Variants in RHBDL3 observed in about 807,000 individuals in gnomAD.
RHBDL3 encodes rhomboid like 3, also known as rhomboid-related protein 3.
Under a neutral mutation model 48.2 loss-of-function variants are expected in RHBDL3, and 28 were observed. The observed-to-expected ratio is 0.58, with a 90% CI of 0.43 to 0.80. The LOEUF (loss-of-function observed/expected upper bound fraction) is 0.80, where lower values mean the gene tolerates loss of function less well. RHBDL3 is among the 30% of genes least tolerant of loss of function. RHBDL3 has a pLI of 0.00. For missense variants in RHBDL3, 464 were observed against 542.7 expected (o/e 0.85, Z 1.44); for synonymous variants, 208 against 232.3 (o/e 0.90, Z 0.95).
rs938085371 is a variant in RHBDL3, at chr17:32,316,408, G to A, written c.943+116G>A. ...GGTCAAGAAAAAAAAAGTGGGACAT[G>A]TCAATGGTTAGCAAAAAAGTAGGGA... On this transcript the variant is annotated intron_variant, in intron 8 of 8. Coordinates refer to ENST00000269051, the MANE Select transcript of RHBDL3 (RefSeq NM_138328.3). 14 of 721,878 alleles carry A rather than the reference G, an allele frequency of 1.9e-5. No individual in the cohort carries two copies. In the African/African-American group the frequency reaches 2.1e-4, roughly 11 times the overall value. The allele number at this position is 721,878 out of a possible 1,614,324, so 44.7% of individuals were successfully genotyped here. A position where few individuals can be genotyped will look rare whatever the true frequency, so the allele number is the denominator to read the frequency against.
chr17:32,274,492 G>A (rs2039848046), intron 2 of RHBDL3, among the ~76,000 whole-genome samples: 1 of 152,224 alleles, frequency 6.6e-6, no homozygotes, highest in South Asian at 2.1e-4. Context: ...AACATTGAAT[G>A]TCTAACTGCA....
intron 5 of RHBDL3, among the ~76,000 whole-genome samples, chr17:32,297,492 CAAAA>C (rs1333159880): frequency 2.0e-5 from 3 of 151,770 alleles, no homozygotes; most frequent in Non-Finnish European, 1.5e-5. Flanking sequence ...AACAAACAAA[CAAAA>C]AACAAAGAGA....
At chr17:32,316,816 C>G (rs1001152620) in intron 8 of RHBDL3, among the ~76,000 whole-genome samples, 1 of 150,604 alleles carries the variant, frequency 6.6e-6, no homozygotes, top group Admixed American at 6.6e-5. Context: ...CCACGCCTGG[C>G]CTTTTATTTT....
intron 2 of RHBDL3, among the ~76,000 whole-genome samples, chr17:32,279,329 C>T (rs533283719): frequency 2.0e-5 from 3 of 152,172 alleles, no homozygotes; most frequent in East Asian, 3.9e-4. Context: ...AAACTAGCTC[C>T]GAATGGAGCT....
chr17:32,298,422 G>A (rs951029170), intron 6 of RHBDL3, among the ~76,000 whole-genome samples: 18 of 152,254 alleles, frequency 1.2e-4, no homozygotes, highest in Admixed American at 3.9e-4. Context: ...CAGGACGGGG[G>A]AGGAGAGCAC....
chr17:32,313,718 A>G (rs980085960), intron 7 of RHBDL3, among the ~76,000 whole-genome samples: 24 of 120,164 alleles, frequency 2.0e-4, no homozygotes, highest in African/African-American at 6.5e-4. Context: ...CTCCAGGTTT[A>G]TTCATGCTGT....
intron 2 of RHBDL3, among the ~76,000 whole-genome samples, chr17:32,282,170 C>T (rs2040068393): frequency 6.6e-6 from 1 of 152,242 alleles, no homozygotes; most frequent in Non-Finnish European, 1.5e-5. Context: ...TACTGAGCAA[C>T]AAGTAGGTGA....
chr17:32,275,893 AG>A (rs976114670), intron 2 of RHBDL3, among the ~76,000 whole-genome samples: 1 of 152,114 alleles, frequency 6.6e-6, no homozygotes, highest in Non-Finnish European at 1.5e-5. Context: ...GCCAGATCCC[AG>A]GGGAGTAGGG....
chr17:32,317,414 C>T (rs964960493), intron 8 of RHBDL3, among the ~76,000 whole-genome samples: 2 of 152,166 alleles, frequency 1.3e-5, no homozygotes, highest in Non-Finnish European at 2.9e-5. Flanking sequence ...TGTAACTAGT[C>T]CAAGAACCTC....
intron 1 of RHBDL3, among the ~76,000 whole-genome samples, chr17:32,267,430 T>TGGGGG (rs200339559): frequency 4.1e-5 from 5 of 120,722 alleles, no homozygotes; most frequent in African/African-American, 1.7e-4. Context: ...TGAGTTCTCC[T>TGGGGG]GGGGGGGGAG....
At position 32,321,226 on chromosome 17, in the gene RHBDL3, C is replaced by T. The variant is rs192685079; in HGVS notation, c.1212C>T (p.Pro404=). The T allele has an allele frequency of 1.2e-6, 2 of 1,614,222 alleles. No individual in the cohort carries two copies. Among genetic ancestry groups the T allele is most frequent in the Non-Finnish European group, 1.7e-6 (2 of 1,180,034 alleles). Reference sequence around the variant, plus strand: ...TGGACTTAAAGCTGCCGCCTCCCCCCTGAGGGCTGGAGGCCCAAGGTCGGG... The same window carrying T: ...TGGACTTAAAGCTGCCGCCTCCCCCTTGAGGGCTGGAGGCCCAAGGTCGGG... ...TLLDLKLPPP[P] The change falls in exon 9 of 9, where the codon CCC becomes CCT. Residue 404 remains proline, a synonymous_variant. Coordinates refer to ENST00000269051, the MANE Select transcript of RHBDL3 (RefSeq NM_138328.3).
chr17:32,291,547 G>T (rs1201965005), intron 4 of RHBDL3, among the ~76,000 whole-genome samples: 1 of 151,028 alleles, frequency 6.6e-6, no homozygotes, highest in Non-Finnish European at 1.5e-5. Flanking sequence ...CGTGTATCAT[G>T]GTGGGTGCCT....
At chr17:32,312,261 C>A (rs2040862749) in intron 7 of RHBDL3, among the ~76,000 whole-genome samples, 1 of 152,018 alleles carries the variant, frequency 6.6e-6, no homozygotes, top group South Asian at 2.1e-4. Flanking sequence ...CATAGGGAGA[C>A]CCCATCTCTA....
chr17:32,296,798 T>G (rs1230897584), intron 5 of RHBDL3, among the ~76,000 whole-genome samples: 1 of 150,194 alleles, frequency 6.7e-6, no homozygotes. Context: ...TTATTTTATT[T>G]TATTTTATTT....
Position 32,284,732 on chromosome 17 carries a change from TG to T in RHBDL3, c.211del (p.Asp71ThrfsTer28), listed in dbSNP as rs1435926305. The T allele has an allele frequency of 6.2e-7, 1 of 1,614,136 alleles. No homozygotes were observed. The highest frequency in any genetic ancestry group is 1.7e-5 in the Admixed American group (1 of 60,032). ...CTTCTGGAGAGCCACAGCTCCAAGC[TG>T]GACCCGCACAAAAGGGAGGTCCTCC... ...RSLLESHSSK[L>X]DPHKREVLLA... On this transcript the variant is annotated frameshift_variant, in exon 3 of 9. Coordinates refer to ENST00000269051, the MANE Select transcript of RHBDL3 (RefSeq NM_138328.3). LOFTEE classifies it high-confidence loss of function.
chr17:32,313,484 C>T (rs79796986), intron 7 of RHBDL3, among the ~76,000 whole-genome samples: 36 of 152,318 alleles, frequency 2.4e-4, no homozygotes, highest in African/African-American at 7.9e-4. Flanking sequence ...CATACATTCA[C>T]ATTGTACAAT....
intron 6 of RHBDL3, 55 bp downstream of exon 6, chr17:32,298,259 A>G: frequency 8.1e-7 from 1 of 1,241,414 alleles, no homozygotes. Flanking sequence ...GTGGGGTGGG[A>G]GACCCTGTGG....
intron 8 of RHBDL3, among the ~76,000 whole-genome samples, chr17:32,318,044 A>G (rs1247220539): frequency 6.7e-6 from 1 of 148,688 alleles, no homozygotes; most frequent in Non-Finnish European, 1.5e-5. Flanking sequence ...CCTTGTCTCT[A>G]CAAAAAAAAA....
In RHBDL3 at chr17:32,305,322, C is replaced by A; in HGVS notation, c.782-19C>A. 6.3e-7 allele frequency: 1 copy of A among 1,581,458 alleles called. No individual in the cohort carries two copies. Among genetic ancestry groups the A allele is most frequent in the Non-Finnish European group, 8.7e-7 (1 of 1,150,240 alleles). On this transcript the variant is annotated intron_variant, in intron 6 of 8. Transcript: ENST00000269051. ...CGAGTCCCGCACTCCTGAGAATTCT[C>A]GCTGTCTTTCTGTACTAGGGTCCTT...
Sources: allele counts gnomAD v4.1 joint callset (sites outside exome capture counted in the v4.1 genomes callset), GRCh38; gene constraint gnomAD v4.1.1; transcripts MANE v1.5; gene names NCBI Gene and HGNC (gene_info 2026-07-23, HGNC 2026-07-21).